PSMD5: variants seen among roughly 807,000 people sequenced by gnomAD.
PSMD5 encodes proteasome 26S subunit, non-ATPase 5.
Under a neutral mutation model 52.1 loss-of-function variants are expected in PSMD5, and 40 were observed. The observed-to-expected ratio is 0.77, with a 90% confidence interval of 0.60 to 1.00. The LOEUF (loss-of-function observed/expected upper bound fraction) is 1.00. Among genes scored for constraint, PSMD5 ranks in the 50% least tolerant of loss-of-function variants. PSMD5 has a pLI of 0.00. For synonymous variants in PSMD5, 211 were observed against 226.6 expected, an observed-to-expected ratio of 0.93 and a Z score of 0.62; for missense variants, 575 against 605.2, an observed-to-expected ratio of 0.95 and a Z score of 0.52.
Position 120,817,661 on chromosome 9 carries a change from A to C in PSMD5, c.*245T>G, listed in dbSNP as rs938131625. ...CCCTGTTGCAAAGATTAAGGCAGTG[A>C]AAGGAATCTGAAAAACACTGGATCT... On this transcript the variant is annotated 3_prime_UTR_variant, in exon 10 of 10. Coordinates refer to ENST00000210313, the MANE Select transcript of PSMD5 (RefSeq NM_005047.4). 1.5e-5 allele frequency: 7 copies of C among 453,882 alleles called. No individual in the cohort carries two copies. Among genetic ancestry groups the C allele is most frequent in the African/African-American group, 1.4e-4 (7 of 51,312 alleles). 28.1% of individuals were successfully genotyped at this position (453,882 alleles called of 1,614,324 possible).
chr9:120,828,654 C>T (rs1013032517), intron 5 of PSMD5, among the ~76,000 whole-genome samples: 16 of 151,736 alleles, frequency 1.1e-4, no homozygotes, highest in African/African-American at 3.9e-4. Flanking sequence ...TCTTGAACTC[C>T]TGACCTCATG....
At chr9:120,837,529 T>G (rs2131436268) in intron 1 of PSMD5, among the ~76,000 whole-genome samples, 1 of 152,348 alleles carries the variant, frequency 6.6e-6, no homozygotes, top group Non-Finnish European at 1.5e-5. Flanking sequence ...GCTTTTGGTG[T>G]CATATTAAAG....
chr9:120,821,322 C>G, intron 8 of PSMD5, 33 bp downstream of exon 8: 3 of 1,342,196 alleles, frequency 2.2e-6, no homozygotes, highest in Non-Finnish European at 3.1e-6. Context: ...CAAACATATC[C>G]CACTGTCCTT....
chr9:120,833,361 C>G lies in PSMD5; in HGVS notation c.269G>C (p.Arg90Thr). ...AGAATCATCAGGGTGAATTAGTCCCCTCTGCAGGTCAACCCTGAGGTTCCG... is the reference window on the plus strand; with the variant it reads ...AGAATCATCAGGGTGAATTAGTCCCGTCTGCAGGTCAACCCTGAGGTTCCG... ...VARNLRVDLQ[R>T]GLIHPDDSVK... Residue 90 changes from arginine (R) to threonine (T), a missense_variant, in exon 2 of 10, where the codon AGG (arginine) becomes ACG (threonine). Arg to Thr is a moderately conservative substitution (Grantham distance 71). Transcript: ENST00000210313. The G allele has an allele frequency of 6.2e-7, 1 of 1,613,994 alleles. No individual in the cohort carries two copies. The highest frequency in any genetic ancestry group is 8.5e-7 in the Non-Finnish European group (1 of 1,179,968).
intron 1 of PSMD5, among the ~76,000 whole-genome samples, chr9:120,841,611 A>C (rs978155082): frequency 2.0e-5 from 3 of 151,908 alleles, no homozygotes; most frequent in East Asian, 1.9e-4. Context: ...AAACAAAACA[A>C]AACACAGAGA....
intron 1 of PSMD5, among the ~76,000 whole-genome samples, chr9:120,839,893 G>A (rs1378652456): frequency 6.7e-6 from 1 of 148,654 alleles, no homozygotes; most frequent in Non-Finnish European, 1.5e-5. Context: ...AGGCAGGCAA[G>A]GCAGATCACT....
rs2045046789 is a variant in PSMD5, at chr9:120,816,935, A to G, written c.*971T>C. 6.6e-6 allele frequency: 1 copy of G among 152,196 alleles called. No individual in the cohort carries two copies. Among genetic ancestry groups the G allele is most frequent in the Admixed American group, 6.5e-5 (1 of 15,288 alleles). 9.4% of individuals were successfully genotyped at this position (152,196 alleles called of 1,614,324 possible). On this transcript the variant is annotated 3_prime_UTR_variant, in exon 10 of 10. Coordinates refer to ENST00000210313, the MANE Select transcript of PSMD5 (RefSeq NM_005047.4). Reference sequence around the variant, plus strand: ...GCAAAACCCTCAGCAATCATGACCTACCAATAAATGAAATGACAGTTTAGG... The same window carrying G: ...GCAAAACCCTCAGCAATCATGACCTGCCAATAAATGAAATGACAGTTTAGG...
chr9:120,821,105 G>C lies in PSMD5; in HGVS notation c.1117-126C>G, dbSNP rs2045081237. 8 of 1,141,480 alleles carry C rather than the reference G, an allele frequency of 7.0e-6. No homozygotes were observed. The East Asian group carries it at 1.7e-4, about 25-fold the overall frequency. The allele number at this position is 1,141,480 out of a possible 1,614,324, so 70.7% of individuals were successfully genotyped here. ...TAATTTGTTGTGTGAAACTGGCTAA[G>C]TCTGGAGGACTCTTTCTCAAATCCA... On this transcript the variant is annotated intron_variant, in intron 8 of 9. Transcript: ENST00000210313.
chr9:120,831,980 G>C, intron 2 of PSMD5, 35 bp from the exon 3 acceptor site: 1 of 1,603,400 alleles, frequency 6.2e-7, no homozygotes, highest in South Asian at 1.1e-5. Flanking sequence ...CTCTTCTAAA[G>C]TAGGGCAACA....
intron 9 of PSMD5, among the ~76,000 whole-genome samples, chr9:120,819,257 A>G (rs1346931851): frequency 6.6e-6 from 1 of 152,256 alleles, no homozygotes; most frequent in Admixed American, 6.5e-5. Context: ...TCAGGATCCC[A>G]GGCTCTGCCC....
intron 2 of PSMD5, among the ~76,000 whole-genome samples, chr9:120,832,368 T>C (rs1295728851): frequency 4.0e-5 from 6 of 151,344 alleles, no homozygotes; most frequent in African/African-American, 1.5e-4. Context: ...GTGAATAAAC[T>C]GATATCTTCC....
chr9:120,836,764 A>C (rs2045200853), intron 1 of PSMD5, among the ~76,000 whole-genome samples: 1 of 152,020 alleles, frequency 6.6e-6, no homozygotes, highest in South Asian at 2.1e-4. Flanking sequence ...CTTGCTATTT[A>C]GTTTTGAAAG....
intron 7 of PSMD5, among the ~76,000 whole-genome samples, chr9:120,822,041 A>G (rs1051999278): frequency 2.0e-5 from 3 of 152,186 alleles, no homozygotes; most frequent in Non-Finnish European, 4.4e-5. Flanking sequence ...CTGAAAGTGG[A>G]GCTGCTGGAT....
At chr9:120,835,462 C>T (rs971151182) in intron 1 of PSMD5, among the ~76,000 whole-genome samples, 8 of 152,160 alleles carry the variant, frequency 5.3e-5, no homozygotes, top group East Asian at 1.9e-4. Flanking sequence ...CGGTGACTCA[C>T]GCCTGTAATC....
chr9:120,835,242 G>C (rs947630319), intron 1 of PSMD5, among the ~76,000 whole-genome samples: 1 of 152,130 alleles, frequency 6.6e-6, no homozygotes, highest in African/African-American at 2.4e-5. Flanking sequence ...AGTGATGAAA[G>C]GATAAACATG....
intron 7 of PSMD5, among the ~76,000 whole-genome samples, chr9:120,821,954 T>C (rs982065061): frequency 6.6e-6 from 1 of 152,236 alleles, no homozygotes; most frequent in Non-Finnish European, 1.5e-5. Context: ...TTTTGGTTAT[T>C]GTGAATAACG....
chr9:120,833,975 CTTTTTTTTTT>C lies in PSMD5; in HGVS notation c.174-529_174-520del, dbSNP rs34657179. On this transcript the variant is annotated intron_variant, in intron 1 of 9. Transcript: ENST00000210313. The stretch of plus-strand genomic sequence containing the variant: ...ACAGGCTTGGGCCACCGCACCTGGC[CTTTTTTTTTT>C]TTTTTTTTTTTTGAGACAGAGTCTC... 5.8e-3 allele frequency among the ~76,000 whole-genome samples: 462 copies of C among 80,346 alleles called. 8 individuals carry two copies. The highest frequency in any genetic ancestry group is 9.9e-3 in the Admixed American group (66 of 6,676). 52.7% of individuals were successfully genotyped at this position (80,346 alleles called of 152,430 possible). A position where few individuals can be genotyped will look rare whatever the true frequency, so the allele number is the denominator to read the frequency against.
At chr9:120,833,791 G>GC (rs1438082051) in intron 1 of PSMD5, among the ~76,000 whole-genome samples, 1 of 142,176 alleles carries the variant, frequency 7.0e-6, no homozygotes, top group East Asian at 2.1e-4. Context: ...CAATTCTCCT[G>GC]CCTCAGCCTC....
intron 1 of PSMD5, among the ~76,000 whole-genome samples, chr9:120,834,882 G>A (rs2045188079): frequency 6.6e-6 from 1 of 152,210 alleles, no homozygotes; most frequent in Non-Finnish European, 1.5e-5. Flanking sequence ...ATAGAGAGAA[G>A]AGGGAAGAAC....
Sources: gnomAD v4.1 joint callset for allele counts (sites outside exome capture counted in the v4.1 genomes callset) on GRCh38, gnomAD v4.1.1 for gene constraint, MANE v1.5 for transcripts, NCBI Gene and HGNC (gene_info 2026-07-23, HGNC 2026-07-21) for gene names.